MECOM: variants seen among roughly 807,000 people sequenced by gnomAD.
MECOM encodes the protein MDS1 and EVI1 complex locus.
Under a neutral mutation model 116.3 loss-of-function variants are expected in MECOM, and 13 were observed. The observed-to-expected ratio is 0.11, with a 90% CI of 0.07 to 0.18. The LOEUF (loss-of-function observed/expected upper bound fraction) is 0.18, where lower values mean the gene tolerates loss of function less well. Among genes scored for constraint, MECOM ranks in the 10% least tolerant of loss-of-function variants. The probability of loss-of-function intolerance (pLI) is 1.00; values close to 1 mark genes in which losing one functional copy is unlikely to be tolerated. For missense variants in MECOM, 1,299 were observed against 1,509.0 expected, an observed-to-expected ratio of 0.86 and a Z score of 2.31; for synonymous variants, 528 against 535.2, an observed-to-expected ratio of 0.99 and a Z score of 0.19.
chr3:169,620,098 TG>T (rs1167333174), intron 1 of MECOM, among the ~76,000 whole-genome samples: 2 of 152,238 alleles, frequency 1.3e-5, no homozygotes, highest in African/African-American at 2.4e-5. Context: ...AAGTGCATAC[TG>T]GAAGGCTTAT....
chr3:169,476,241 CATAATGTA>C (rs1384385178), intron 1 of MECOM, among the ~76,000 whole-genome samples: 2 of 152,218 alleles, frequency 1.3e-5, no homozygotes, highest in South Asian at 2.1e-4. Context: ...TTGATGTCTT[CATAATGTA>C]TTACACAATT....
chr3:169,448,931 C>T (rs1745099613), intron 1 of MECOM, among the ~76,000 whole-genome samples: 1 of 152,052 alleles, frequency 6.6e-6, no homozygotes, highest in Non-Finnish European at 1.5e-5. Context: ...ATTTTGACAC[C>T]TCCATACCAT....
At chr3:169,159,223 A>G (rs888125872) in intron 2 of MECOM, among the ~76,000 whole-genome samples, 2 of 152,186 alleles carry the variant, frequency 1.3e-5, no homozygotes, top group Non-Finnish European at 2.9e-5. Context: ...GTTATGTAAT[A>G]GTGAGAAAGT....
chr3:169,513,255 T>C (rs554186142), intron 1 of MECOM, among the ~76,000 whole-genome samples: 2 of 152,380 alleles, frequency 1.3e-5, no homozygotes, highest in East Asian at 3.9e-4. Context: ...TATTACTGCC[T>C]TGCTGTTCAT....
chr3:169,409,851 T>C (rs370657096), intron 1 of MECOM, among the ~76,000 whole-genome samples: 18 of 152,322 alleles, frequency 1.2e-4, no homozygotes, highest in African/African-American at 3.8e-4. Flanking sequence ...ATTTTAACAC[T>C]ACTGAGAGGA....
rs148494016 is a variant in MECOM at position 169,175,683 on chromosome 3, T to C, written c.376-31851A>G. On this transcript the variant is annotated intron_variant, in intron 2 of 16. Transcript: ENST00000651503. Reference sequence around the variant, plus strand: ...GATTTAAGTGGACCATTTCTAGAGTTCTGTGCTCTTGTGCTATGTTCTCCA... The same window carrying C: ...GATTTAAGTGGACCATTTCTAGAGTCCTGTGCTCTTGTGCTATGTTCTCCA... 5.0e-4 allele frequency among the ~76,000 whole-genome samples: 76 copies of C among 152,318 alleles called. 1 individual carries two copies. The highest frequency in any genetic ancestry group is 1.8e-3 in the African/African-American group (75 of 41,576).
intron 1 of MECOM, among the ~76,000 whole-genome samples, chr3:169,500,195 A>T (rs1394581167): frequency 2.6e-5 from 4 of 152,112 alleles, no homozygotes; most frequent in African/African-American, 4.8e-5. Context: ...CTGTTAGATG[A>T]TATATCTGAA....
At chr3:169,128,132 A>C in intron 4 of MECOM, 72 bp from the exon 5 acceptor site, 1 of 1,299,792 alleles carries the variant, frequency 7.7e-7, no homozygotes, top group Middle Eastern at 1.9e-4. Flanking sequence ...ATCTTACCAA[A>C]TTTTACAAGA....
At chr3:169,575,207 G>A (rs919400522) in intron 1 of MECOM, among the ~76,000 whole-genome samples, 2 of 152,120 alleles carry the variant, frequency 1.3e-5, no homozygotes, top group African/African-American at 4.8e-5. Context: ...CAGCCCATAA[G>A]AAAGCTTCGC....
At chr3:169,511,963 GAC>G (rs1756027006) in intron 1 of MECOM, among the ~76,000 whole-genome samples, 1 of 151,870 alleles carries the variant, frequency 6.6e-6, no homozygotes, top group South Asian at 2.1e-4. Flanking sequence ...TTCTTTTCTG[GAC>G]ACACTCCTCT....
At chr3:169,433,677 GAAAGAAAGAAAGAGAA>G (rs775817559) in intron 1 of MECOM, among the ~76,000 whole-genome samples, 1 of 144,292 alleles carries the variant, frequency 6.9e-6, no homozygotes, top group Non-Finnish European at 1.5e-5. Flanking sequence ...AAGAAAGAAA[GAAAGAAAGAAAGAGAA>G]AGAAAGAAAA....
At chr3:169,171,444 T>A (rs1364981550) in intron 2 of MECOM, among the ~76,000 whole-genome samples, 1 of 152,142 alleles carries the variant, frequency 6.6e-6, no homozygotes, top group East Asian at 1.9e-4. Context: ...ATAGTAGGTA[T>A]CCAATACATA....
chr3:169,147,397 G>A, intron 2 of MECOM: 1 of 985,486 alleles, frequency 1.0e-6, no homozygotes, highest in Non-Finnish European at 1.2e-6. Context: ...TCTTTAAAGA[G>A]GATCTGCTCG....
At chr3:169,518,411 G>A (rs1756957805) in intron 1 of MECOM, among the ~76,000 whole-genome samples, 1 of 152,114 alleles carries the variant, frequency 6.6e-6, no homozygotes, top group Non-Finnish European at 1.5e-5. Context: ...TTAAAATAAA[G>A]TTTAGCAGCA....
chr3:169,409,413 A>G (rs1359348993), intron 1 of MECOM, among the ~76,000 whole-genome samples: 1 of 152,172 alleles, frequency 6.6e-6, no homozygotes, highest in Non-Finnish European at 1.5e-5. Context: ...GCTTAAAATC[A>G]CTTAGCAACT....
At chr3:169,385,437 G>A (rs527761757) in intron 1 of MECOM, among the ~76,000 whole-genome samples, 2 of 152,104 alleles carry the variant, frequency 1.3e-5, no homozygotes, top group East Asian at 3.9e-4. Context: ...ATATGCAAGT[G>A]CAGGCAATTT....
At chr3:169,596,639 G>C (rs139983131) in intron 1 of MECOM, among the ~76,000 whole-genome samples, 1 of 151,790 alleles carries the variant, frequency 6.6e-6, no homozygotes, top group Admixed American at 6.6e-5. Context: ...GCAGTTTACC[G>C]CTCACCATAC....
chr3:169,575,413 C>A (rs1764375026), intron 1 of MECOM, among the ~76,000 whole-genome samples: 1 of 152,154 alleles, frequency 6.6e-6, no homozygotes, highest in East Asian at 1.9e-4. Flanking sequence ...ACCAGGCACT[C>A]CGAAGACTGG....
intron 1 of MECOM, among the ~76,000 whole-genome samples, chr3:169,505,034 T>C (rs1323457383): frequency 6.6e-6 from 1 of 152,212 alleles, no homozygotes; most frequent in Non-Finnish European, 1.5e-5. Flanking sequence ...GACTGTTCTC[T>C]AATATAGCAG....
Sources: allele counts gnomAD v4.1 joint callset (sites outside exome capture counted in the v4.1 genomes callset), GRCh38; gene constraint gnomAD v4.1.1; transcripts MANE v1.5; gene names NCBI Gene and HGNC (gene_info 2026-07-23, HGNC 2026-07-21).